The following ZNF143 variants were observed in gnomAD, a reference collection of about 807,000 sequenced individuals.
ZNF143 encodes zinc finger protein 143.
In ZNF143, 49 loss-of-function variants were observed where a neutral mutation model predicts 74.1. That is an observed-to-expected ratio of 0.66 (90% CI 0.53 to 0.84). The LOEUF (loss-of-function observed/expected upper bound fraction) is 0.84. Ranked by LOEUF, ZNF143 falls within the 40% of genes least tolerant of loss-of-function variation. The pLI is 0.00. For missense variants in ZNF143, 637 were observed against 793.4 expected (o/e 0.80, Z 2.37); for synonymous variants, 304 against 282.8 (o/e 1.07, Z -0.75).
At chr11:9,462,188 T>C (rs1269758444) in intron 1 of ZNF143, 1 of 152,180 alleles carries the variant, frequency 6.6e-6, no homozygotes, top group Non-Finnish European at 1.5e-5. Flanking sequence ...TGGAAATTTT[T>C]TTTTTTTAAT....
chr11:9,503,683 C>A (rs79330740), intron 11 of ZNF143, among the ~76,000 whole-genome samples: 2,676 of 150,300 alleles, frequency 0.018, 75 homozygotes, highest in African/African-American at 0.06. Context: ...CTCTGTCTCG[C>A]CCAGGCTGGA....
rs199517484 is a variant in ZNF143 at position 9,471,377 on chromosome 11, G to A, written c.69G>A (p.Ala23=). The part of the protein sequence containing the change: ...MTEFPGGGME[A]QHVTLCLTEA... The stretch of plus-strand genomic sequence containing the variant: ...AGTTTCCTGGAGGAGGGATGGAGGC[G>A]CAACATGTTACGCTGTGCTTGACAG... Residue 23 remains alanine, a synonymous_variant, in exon 2 of 16, where the codon GCG becomes GCA. Coordinates refer to ENST00000396602, the MANE Select transcript of ZNF143 (RefSeq NM_003442.6). 1.1e-5 allele frequency: 18 copies of A among 1,612,378 alleles called. No homozygotes were observed. The highest frequency in any genetic ancestry group is 6.7e-5 in the East Asian group (3 of 44,764).
chr11:9,474,695 G>A lies in ZNF143; in HGVS notation c.373+62G>A, dbSNP rs1856778414. On this transcript the variant is annotated intron_variant, in intron 5 of 15. Transcript: ENST00000396602. ...GAAGTGGGAGTGGTGGGGGAAAGAAGACCTGTGTTTAGCTTCTGAATTGTT... is the reference window on the plus strand; with the variant it reads ...GAAGTGGGAGTGGTGGGGGAAAGAAAACCTGTGTTTAGCTTCTGAATTGTT... The A allele has an allele frequency of 4.8e-6, 7 of 1,458,260 alleles. No homozygotes were observed. In the East Asian group the frequency reaches 1.6e-4, roughly 33 times the overall value. 90.3% of individuals were successfully genotyped at this position (1,458,260 alleles called of 1,614,324 possible). A position where few individuals can be genotyped will look rare whatever the true frequency, so the allele number is the denominator to read the frequency against.
At position 9,478,371 on chromosome 11, in the gene ZNF143, T is replaced by G; in HGVS notation, c.374-19T>G. 1 of 1,594,572 alleles carries G rather than the reference T, an allele frequency of 6.3e-7. No homozygotes were observed. The highest frequency in any genetic ancestry group is 8.6e-7 in the Non-Finnish European group (1 of 1,163,984). ...AGATTTTACCTTTAATTTAATGGCATTCTCTTCCACTCTCTCAGATAGTTA... is the reference window on the plus strand; with the variant it reads ...AGATTTTACCTTTAATTTAATGGCAGTCTCTTCCACTCTCTCAGATAGTTA... On this transcript the variant is annotated intron_variant, in intron 5 of 15. Coordinates refer to ENST00000396602, the MANE Select transcript of ZNF143 (RefSeq NM_003442.6).
At chr11:9,498,242 G>A (rs1193295153) in intron 10 of ZNF143, among the ~76,000 whole-genome samples, 2 of 152,244 alleles carry the variant, frequency 1.3e-5, no homozygotes, top group Non-Finnish European at 2.9e-5. Context: ...ATGACTTGCT[G>A]TATATGCATG....
intron 1 of ZNF143, 105 bp downstream of exon 1, chr11:9,461,181 C>G (rs1005138778): frequency 5.8e-6 from 4 of 693,682 alleles, no homozygotes; most frequent in Non-Finnish European, 5.3e-6. Context: ...CCGGCTCCCG[C>G]TGCTCAGCCT....
chr11:9,475,330 G>C (rs1367304450), intron 5 of ZNF143, among the ~76,000 whole-genome samples: 2 of 151,976 alleles, frequency 1.3e-5, no homozygotes, highest in African/African-American at 4.8e-5. Context: ...TACAATCATA[G>C]CTCACTATAG....
intron 7 of ZNF143, among the ~76,000 whole-genome samples, chr11:9,486,661 G>GTGTTT (rs1335754382): frequency 6.8e-6 from 1 of 147,284 alleles, no homozygotes; most frequent in Non-Finnish European, 1.5e-5. Flanking sequence ...TTAGAACAAT[G>GTGTTT]TGTTTTGTTT....
intron 7 of ZNF143, among the ~76,000 whole-genome samples, chr11:9,491,593 G>A (rs1187439346): frequency 2.0e-5 from 3 of 151,508 alleles, no homozygotes; most frequent in East Asian, 2.0e-4. Context: ...AGCGGAGATC[G>A]CACCACCTCA....
chr11:9,475,489 C>T (rs1206289025), intron 5 of ZNF143, among the ~76,000 whole-genome samples: 1 of 152,146 alleles, frequency 6.6e-6, no homozygotes, highest in African/African-American at 2.4e-5. Flanking sequence ...CTATGTTGCT[C>T]AGGCTGGTCC....
rs1491349746 is a variant in ZNF143, at chr11:9,486,352, T to TA, written c.645+6806_645+6807insA. On this transcript the variant is annotated intron_variant, in intron 7 of 15. Coordinates refer to ENST00000396602, the MANE Select transcript of ZNF143 (RefSeq NM_003442.6). ...AGGCGCTAATTATATTATATATATA[T>TA]TATATATATATTATATATAATATAT... Among the ~76,000 whole-genome samples the TA allele has an allele frequency of 6.2e-4, 37 of 59,208 alleles. 1 individual carries two copies. Among genetic ancestry groups the TA allele is most frequent in the African/African-American group, 2.5e-3 (35 of 13,880 alleles). The allele number at this position is 59,208 out of a possible 152,430, so 38.8% of individuals were successfully genotyped here.
At chr11:9,493,947 TTG>T (rs1847872006) in intron 7 of ZNF143, among the ~76,000 whole-genome samples, 1 of 152,188 alleles carries the variant, frequency 6.6e-6, no homozygotes, top group Non-Finnish European at 1.5e-5. Flanking sequence ...CCCTTTCTCA[TTG>T]CTTTTGAAAT....
At chr11:9,510,068 CAAGTCTCTTCCTT>C (rs1589932965) in intron 12 of ZNF143, among the ~76,000 whole-genome samples, 2 of 151,790 alleles carry the variant, frequency 1.3e-5, no homozygotes, top group East Asian at 3.9e-4. Context: ...TAAGCTTCCT[CAAGTCTCTTCCTT>C]AAATGTTGAT....
intron 7 of ZNF143, among the ~76,000 whole-genome samples, chr11:9,489,833 A>G (rs1589896246): frequency 6.6e-6 from 1 of 152,210 alleles, no homozygotes; most frequent in Admixed American, 6.5e-5. Flanking sequence ...TACAAATCAT[A>G]TAAAGCTTGA....
intron 4 of ZNF143, 108 bp downstream of exon 4, chr11:9,474,132 C>T (rs886207336): frequency 6.9e-6 from 6 of 865,216 alleles, no homozygotes; most frequent in Admixed American, 5.7e-5. Context: ...TTCTCAAGTC[C>T]TCCTTCTGTA....
intron 9 of ZNF143, among the ~76,000 whole-genome samples, chr11:9,496,943 T>C (rs1847979764): frequency 6.6e-6 from 1 of 152,154 alleles, no homozygotes; most frequent in Admixed American, 6.5e-5. Flanking sequence ...TTCTGTTTAT[T>C]TTAGCGGGAA....
rs376739714 is a variant in ZNF143, at chr11:9,482,800, A to G, written c.645+3254A>G. On this transcript the variant is annotated intron_variant, in intron 7 of 15. Transcript: ENST00000396602. Reference sequence around the variant, plus strand: ...TGAAATATGACTAGTCCAAATTGAGATGTGCTGTAAGTGGATTTTGAAGAC... The same window carrying G: ...TGAAATATGACTAGTCCAAATTGAGGTGTGCTGTAAGTGGATTTTGAAGAC... 7.5e-4 allele frequency among the ~76,000 whole-genome samples: 114 copies of G among 151,480 alleles called. 2 individuals are homozygous for G. The Middle Eastern group carries it at 0.027, about 36-fold the overall frequency.
intron 14 of ZNF143, among the ~76,000 whole-genome samples, chr11:9,521,519 T>G (rs1334649718): frequency 1.3e-5 from 2 of 152,084 alleles, no homozygotes; most frequent in African/African-American, 4.8e-5. Context: ...TAGAGTTAAT[T>G]AGGACACCAC....
intron 12 of ZNF143, among the ~76,000 whole-genome samples, chr11:9,511,986 C>T (rs1209427006): frequency 1.3e-5 from 2 of 150,716 alleles, no homozygotes; most frequent in African/African-American, 2.4e-5. Context: ...CTCCTGACCT[C>T]GTGATCCACC....
Sources: gnomAD v4.1 joint callset for allele counts (sites outside exome capture counted in the v4.1 genomes callset) on GRCh38, gnomAD v4.1.1 for gene constraint, MANE v1.5 for transcripts, NCBI Gene and HGNC (gene_info 2026-07-23, HGNC 2026-07-21) for gene names.